The following ITGB1 variants were observed in gnomAD, a reference collection of about 807,000 sequenced individuals.
ITGB1 encodes the protein integrin beta-1.
Under a neutral mutation model 86.5 loss-of-function variants are expected in ITGB1, and 24 were observed. The observed-to-expected ratio is 0.28, with a 90% CI of 0.20 to 0.39. ITGB1 has a LOEUF of 0.39. Among genes scored for constraint, ITGB1 ranks in the 10% least tolerant of loss-of-function variants. The probability of loss-of-function intolerance (pLI) is 1.00; values close to 1 mark genes in which losing one functional copy is unlikely to be tolerated. For synonymous variants in ITGB1, 323 were observed against 316.8 expected, an observed-to-expected ratio of 1.02 and a Z score of -0.21; for missense variants, 556 against 946.9, an observed-to-expected ratio of 0.59 and a Z score of 5.42.
chr10:32,955,075 C>T (rs2095049789), intron 1 of ITGB1, among the ~76,000 whole-genome samples: 1 of 152,108 alleles, frequency 6.6e-6, no homozygotes, highest in Non-Finnish European at 1.5e-5. Context: ...AAGCTGGGTA[C>T]ATACCATAAT....
chr10:32,911,631 G>C lies in ITGB1; in HGVS notation c.1748C>G (p.Pro583Arg). 1 of 1,614,072 alleles carries C rather than the reference G, an allele frequency of 6.2e-7. No homozygotes were observed. Among genetic ancestry groups the C allele is most frequent in the Non-Finnish European group, 8.5e-7 (1 of 1,180,004 alleles). Reference protein sequence around the residue: ...VCKCRVCECNPNYTGSACDCS... With the variant: ...VCKCRVCECNRNYTGSACDCS... ...GTCACATGCACTGCCAGTGTAGTTG[G>C]GGTTGCACTCACACACACGACACTT... The change falls in exon 13 of 16, where the codon CCC (proline) becomes CGC (arginine). Residue 583 changes from proline to arginine, a missense_variant. By Grantham distance (103) the Pro-to-Arg change is moderately radical. Coordinates refer to ENST00000302278, the MANE Select transcript of ITGB1 (RefSeq NM_002211.4).
chr10:32,935,848 C>A lies in ITGB1; in HGVS notation c.1-290G>T, dbSNP rs2245844. On this transcript the variant is annotated intron_variant, in intron 1 of 15. Transcript: ENST00000302278. ...ATTTTAACATTTAATTAACAGCGCT[C>A]AAAAAAAAAATCAGTGTTAAGTATT... 75,967 of 216,986 alleles carry A rather than the reference C, an allele frequency of 0.35. 15,968 individuals are homozygous for A. The highest frequency in any genetic ancestry group is 0.47 in the Non-Finnish European group (50,877 of 107,606). 13.4% of individuals were successfully genotyped at this position (216,986 alleles called of 1,614,324 possible).
In ITGB1 at chr10:32,946,758, G is replaced by C. The variant is rs921629377; in HGVS notation, c.1-11200C>G. Among the ~76,000 whole-genome samples the C allele has an allele frequency of 2.4e-4, 25 of 104,194 alleles. 1 individual carries two copies. Among genetic ancestry groups the C allele is most frequent in the African/African-American group, 8.2e-4 (25 of 30,438 alleles). The allele number at this position is 104,194 out of a possible 152,430, so 68.4% of individuals were successfully genotyped here. ...GGTTTGTATGTATTTCTGGGGGGGG[G>C]GGGGGGATTATTTTCCTTTTCTGCA... is the stretch of plus-strand genomic sequence containing the variant. On this transcript the variant is annotated intron_variant, in intron 1 of 15. Coordinates refer to ENST00000302278, the MANE Select transcript of ITGB1 (RefSeq NM_002211.4).
chr10:32,927,862 T>G (rs1488442078), intron 5 of ITGB1, among the ~76,000 whole-genome samples: 1 of 152,066 alleles, frequency 6.6e-6, no homozygotes, highest in Non-Finnish European at 1.5e-5. Flanking sequence ...AGTCATTATC[T>G]ATGAGGTACA....
chr10:32,911,342 T>C, intron 13 of ITGB1, 106 bp downstream of exon 13: 1 of 938,076 alleles, frequency 1.1e-6, no homozygotes, highest in Non-Finnish European at 1.6e-6. Context: ...GGCATTTTAT[T>C]TACAGTATAT....
intron 11 of ITGB1, among the ~76,000 whole-genome samples, chr10:32,918,383 T>C (rs2094938628): frequency 6.6e-6 from 1 of 151,850 alleles, no homozygotes; most frequent in Admixed American, 6.6e-5. Context: ...ATAATAATAA[T>C]AATAATTTAA....
rs1458201875 is a variant in ITGB1 at position 32,923,574 on chromosome 10, C to G, written c.942+11G>C. The G allele has an allele frequency of 1.2e-6, 2 of 1,600,796 alleles. No homozygotes were observed. Among genetic ancestry groups the G allele is most frequent in the South Asian group, 1.1e-5 (1 of 89,686 alleles). ...TAAACACATTCACTATGTAAGGAAC[C>G]AGGCACTTACATAATAATGGCTCAT... On this transcript the variant is annotated intron_variant, in intron 7 of 15. Transcript: ENST00000302278.
intron 1 of ITGB1, chr10:32,944,374 C>T (rs945278258): frequency 2.2e-5 from 5 of 225,554 alleles, no homozygotes; most frequent in Admixed American, 5.4e-5. Flanking sequence ...TGTTCGGGTG[C>T]GGCGTGGGCC....
rs775704852 is a variant in ITGB1 at position 32,911,607 on chromosome 10, T to A, written c.1772A>T (p.Asp591Val). The A allele has an allele frequency of 6.2e-7, 1 of 1,614,100 alleles. No individual in the cohort carries two copies. Among genetic ancestry groups the A allele is most frequent in the East Asian group, 2.2e-5 (1 of 44,880 alleles). ...ACAAGTACTAGTATCCAAAGAACAG[T>A]CACATGCACTGCCAGTGTAGTTGGG... ...CNPNYTGSACDCSLDTSTCEA... is the reference protein window; with the variant it reads ...CNPNYTGSACVCSLDTSTCEA... Residue 591 changes from aspartate to valine, a missense_variant, in exon 13 of 16, where the codon GAC (aspartate) becomes GTC (valine). By Grantham distance (152) the Asp-to-Val change is radical. This residue lies in a region of ITGB1 where 330 missense variants were observed against 531.5 expected (regional missense o/e 0.62). Coordinates refer to ENST00000302278, the MANE Select transcript of ITGB1 (RefSeq NM_002211.4).
At chr10:32,945,459 C>T (rs940096072) in intron 1 of ITGB1, among the ~76,000 whole-genome samples, 4 of 151,774 alleles carry the variant, frequency 2.6e-5, no homozygotes, top group Admixed American at 2.6e-4. Context: ...ATTAGCCGGG[C>T]GTGGTGGCAG....
At chr10:32,903,991 A>C (rs1206115764) in intron 15 of ITGB1, among the ~76,000 whole-genome samples, 1 of 149,208 alleles carries the variant, frequency 6.7e-6, no homozygotes, top group Non-Finnish European at 1.5e-5. Flanking sequence ...CTCAAGAATT[A>C]TAAGGGAAGG....
intron 4 of ITGB1, among the ~76,000 whole-genome samples, chr10:32,929,300 T>G (rs550887960): frequency 1.3e-5 from 2 of 152,150 alleles, no homozygotes; most frequent in South Asian, 4.2e-4. Context: ...CTGACCTGGT[T>G]GAGGAGGGGC....
chr10:32,928,535 A>C (rs2094972772), intron 4 of ITGB1, among the ~76,000 whole-genome samples: 1 of 152,182 alleles, frequency 6.6e-6, no homozygotes, highest in Non-Finnish European at 1.5e-5. Flanking sequence ...AAGTCAGTTT[A>C]TAAGAGAAGA....
chr10:32,957,669 G>A (rs2095055329), intron 1 of ITGB1: 1 of 152,216 alleles, frequency 6.6e-6, no homozygotes, highest in Non-Finnish European at 1.5e-5. Context: ...ACAGCAGCTC[G>A]CGAGGGAGCG....
intron 15 of ITGB1, among the ~76,000 whole-genome samples, chr10:32,904,202 G>A (rs1008708754): frequency 1.3e-5 from 2 of 152,106 alleles, no homozygotes; most frequent in African/African-American, 4.8e-5. Context: ...CTCACTATCT[G>A]TATTAGGCAT....
chr10:32,904,854 A>G (rs2094891784), intron 15 of ITGB1, among the ~76,000 whole-genome samples: 1 of 152,182 alleles, frequency 6.6e-6, no homozygotes, highest in African/African-American at 2.4e-5. Flanking sequence ...TTTTAGCCAT[A>G]TATACATTAT....
chr10:32,921,011 A>ACAAAAC (rs1555220561), intron 9 of ITGB1, among the ~76,000 whole-genome samples: 10 of 145,660 alleles, frequency 6.9e-5, no homozygotes, highest in East Asian at 2.0e-4. Context: ...AAAAACAGAA[A>ACAAAAC]CCCCCCAAAA....
chr10:32,927,543 A>G (rs1040206726), intron 5 of ITGB1, among the ~76,000 whole-genome samples: 6 of 152,184 alleles, frequency 3.9e-5, no homozygotes, highest in African/African-American at 7.2e-5. Flanking sequence ...TGTAGTCCCA[A>G]TACTCTGGGA....
chr10:32,945,556 G>A (rs367708345), intron 1 of ITGB1, among the ~76,000 whole-genome samples: 5 of 151,840 alleles, frequency 3.3e-5, no homozygotes, highest in South Asian at 4.2e-4. Context: ...CTGAGATCAC[G>A]CCACTGCACT....
Sources: allele counts gnomAD v4.1 joint callset (sites outside exome capture counted in the v4.1 genomes callset), GRCh38; gene constraint gnomAD v4.1.1; regional missense constraint gnomAD v4.1.1; transcripts MANE v1.5; gene names NCBI Gene and HGNC (gene_info 2026-07-23, HGNC 2026-07-21).